The following GALNT17 variants were observed in gnomAD, a reference collection of about 807,000 sequenced individuals.
GALNT17 encodes polypeptide N-acetylgalactosaminyltransferase 17.
In GALNT17, 29 loss-of-function variants were observed where a neutral mutation model predicts 63.7. That is an observed-to-expected ratio of 0.46 (90% CI 0.34 to 0.62). The LOEUF is 0.62. Ranked by LOEUF, GALNT17 falls within the 20% of genes least tolerant of loss-of-function variation. The pLI is 0.01. For synonymous variants in GALNT17, 305 were observed against 318.3 expected (o/e 0.96, Z 0.45); for missense variants, 603 against 799.6 (o/e 0.75, Z 2.97).
intron 3 of GALNT17, among the ~76,000 whole-genome samples, chr7:71,410,565 G>A (rs1429993248): frequency 6.6e-6 from 1 of 152,240 alleles, no homozygotes; most frequent in African/African-American, 2.4e-5. Flanking sequence ...ATTTTATAAA[G>A]TGTATAGGGG....
At chr7:71,145,617 G>A (rs367928484) in intron 1 of GALNT17, among the ~76,000 whole-genome samples, 5 of 152,168 alleles carry the variant, frequency 3.3e-5, no homozygotes, top group East Asian at 3.8e-4. Context: ...AGTGATGAAC[G>A]CAGAATGTGC....
intron 9 of GALNT17, among the ~76,000 whole-genome samples, chr7:71,698,628 G>T (rs1791579970): frequency 1.3e-5 from 2 of 152,132 alleles, no homozygotes; most frequent in South Asian, 4.1e-4. Flanking sequence ...GGGGAACAAT[G>T]AAATCTGATA....
At chr7:71,145,320 C>G (rs1787997276) in intron 1 of GALNT17, among the ~76,000 whole-genome samples, 1 of 152,214 alleles carries the variant, frequency 6.6e-6, no homozygotes, top group South Asian at 2.1e-4. Flanking sequence ...CAAAGCGAGA[C>G]TCCATTGCTA....
At chr7:71,521,769 G>C (rs997629674) in intron 5 of GALNT17, among the ~76,000 whole-genome samples, 1 of 152,158 alleles carries the variant, frequency 6.6e-6, no homozygotes, top group African/African-American at 2.4e-5. Context: ...GCTGCAAGAA[G>C]GAAACACAGA....
At chr7:71,425,614 A>G (rs895505478) in intron 5 of GALNT17, among the ~76,000 whole-genome samples, 5 of 152,126 alleles carry the variant, frequency 3.3e-5, no homozygotes, top group African/African-American at 1.2e-4. Flanking sequence ...CAAAACTTCA[A>G]GGCCCCAACC....
intron 6 of GALNT17, among the ~76,000 whole-genome samples, chr7:71,627,965 T>G (rs561144104): frequency 1.3e-5 from 2 of 152,258 alleles, no homozygotes; most frequent in Non-Finnish European, 2.9e-5. Context: ...AAAAGAGTAT[T>G]ACACTTTTAT....
chr7:71,222,477 A>G (rs2116423697), intron 1 of GALNT17, among the ~76,000 whole-genome samples: 1 of 151,938 alleles, frequency 6.6e-6, no homozygotes, highest in Non-Finnish European at 1.5e-5. Context: ...TTTTTAGTAG[A>G]GACAAGGTTT....
chr7:71,574,447 C>A (rs1458757566), intron 6 of GALNT17, among the ~76,000 whole-genome samples: 2 of 152,180 alleles, frequency 1.3e-5, no homozygotes, highest in African/African-American at 4.8e-5. Context: ...TCTTACAGTA[C>A]TTCAAGGCAT....
chr7:71,250,086 C>T (rs1350055484), intron 1 of GALNT17, among the ~76,000 whole-genome samples: 2 of 152,166 alleles, frequency 1.3e-5, no homozygotes, highest in Non-Finnish European at 2.9e-5. Context: ...ATCATAGAAA[C>T]ATTTCCAAAC....
chr7:71,489,611 G>C (rs1787973002), intron 5 of GALNT17, among the ~76,000 whole-genome samples: 1 of 152,224 alleles, frequency 6.6e-6, no homozygotes, highest in African/African-American at 2.4e-5. Flanking sequence ...AGAGCCCCAG[G>C]CTCAAGAGCC....
At chr7:71,548,499 A>G (rs1287775173) in intron 5 of GALNT17, among the ~76,000 whole-genome samples, 1 of 152,154 alleles carries the variant, frequency 6.6e-6, no homozygotes, top group African/African-American at 2.4e-5. Flanking sequence ...AGGTAATTGA[A>G]TCATGGTGGT....
At chr7:71,281,713 G>A (rs771546232) in intron 1 of GALNT17, among the ~76,000 whole-genome samples, 1 of 152,102 alleles carries the variant, frequency 6.6e-6, no homozygotes, top group East Asian at 1.9e-4. Flanking sequence ...TTTCCTTAAC[G>A]CTGGAAAATC....
intron 6 of GALNT17, among the ~76,000 whole-genome samples, chr7:71,660,609 TA>T (rs1299860646): frequency 5.3e-5 from 8 of 152,324 alleles, no homozygotes; most frequent in African/African-American, 1.7e-4. Context: ...GGTAGAAACA[TA>T]AACTGGATCG....
intron 5 of GALNT17, among the ~76,000 whole-genome samples, chr7:71,497,674 C>T (rs1788117780): frequency 1.3e-5 from 2 of 152,324 alleles, no homozygotes; most frequent in Admixed American, 6.5e-5. Flanking sequence ...TGTGTGCTTA[C>T]ATGGGGAAGT....
chr7:71,691,401 C>T (rs1791441298), intron 9 of GALNT17, among the ~76,000 whole-genome samples: 1 of 152,124 alleles, frequency 6.6e-6, no homozygotes, highest in Admixed American at 6.5e-5. Context: ...CACTGGGAAA[C>T]CAATATATTT....
At chr7:71,711,513 CTCTCCCTCTCTCTCCCTCTCTCCCTCTG>C (rs1791791274) in intron 10 of GALNT17, among the ~76,000 whole-genome samples, 3 of 150,814 alleles carry the variant, frequency 2.0e-5, no homozygotes, top group Non-Finnish European at 4.4e-5. Flanking sequence ...CACTCTCTCT[CTCTCCCTCTCTCTCCCTCTCTCCCTCTG>C]TCTCCCTCTC....
intron 1 of GALNT17, among the ~76,000 whole-genome samples, chr7:71,309,618 A>G (rs535681717): frequency 6.6e-6 from 1 of 152,278 alleles, no homozygotes; most frequent in South Asian, 2.1e-4. Context: ...ATTATTTGAG[A>G]TAGTATTCAA....
intron 5 of GALNT17, among the ~76,000 whole-genome samples, chr7:71,477,122 CTAA>C (rs1787737017): frequency 6.6e-6 from 1 of 152,038 alleles, no homozygotes; most frequent in Non-Finnish European, 1.5e-5. Context: ...ACTACTACTA[CTAA>C]TAATTAATTA....
At chr7:71,578,352 A>G (rs1287613541) in intron 6 of GALNT17, among the ~76,000 whole-genome samples, 2 of 152,002 alleles carry the variant, frequency 1.3e-5, no homozygotes, top group Non-Finnish European at 2.9e-5. Context: ...TTTTATATAT[A>G]TAGACAAATT....
Sources: gnomAD v4.1 joint callset for allele counts (sites outside exome capture counted in the v4.1 genomes callset) on GRCh38, gnomAD v4.1.1 for gene constraint, MANE v1.5 for transcripts, NCBI Gene and HGNC (gene_info 2026-07-23, HGNC 2026-07-21) for gene names.